Variants in SPEG observed in about 807,000 individuals in gnomAD.
SPEG encodes striated muscle enriched protein kinase.
Under a neutral mutation model 300.4 loss-of-function variants are expected in SPEG, and 114 were observed. The observed-to-expected ratio is 0.38, with a 90% CI of 0.33 to 0.44. SPEG has a LOEUF of 0.44. SPEG is among the 20% of genes least tolerant of loss of function. The pLI is 1.00. For synonymous variants in SPEG, 1,964 were observed against 2,018.9 expected (o/e 0.97, Z 0.73); for missense variants, 4,201 against 4,586.2 (o/e 0.92, Z 2.43).
Position 219,448,129 on chromosome 2 carries a change from C to A in SPEG, c.971C>A (p.Pro324His). The change falls in exon 4 of 41, where the codon CCC becomes CAC. Residue 324 changes from proline to histidine, a missense_variant. Physicochemically the swap from Pro to His is moderately conservative, Grantham distance 77 (BLOSUM62 -2). Transcript: ENST00000312358. Reference sequence around the variant, plus strand: ...GTCGGGAAGCGGTCCCCGCCGGGACCCCCGGCCCAGCCCGCGGCCACCCCC... The same window carrying A: ...GTCGGGAAGCGGTCCCCGCCGGGACACCCGGCCCAGCCCGCGGCCACCCCC... Reference protein sequence around the residue: ...PRVGKRSPPGPPAQPAATPTS... With the variant: ...PRVGKRSPPGHPAQPAATPTS... 1 of 1,605,408 alleles carries A rather than the reference C, an allele frequency of 6.2e-7. No individual in the cohort carries two copies. Among genetic ancestry groups the A allele is most frequent in the Non-Finnish European group, 8.5e-7 (1 of 1,176,076 alleles).
At position 219,479,031 on chromosome 2, in the gene SPEG, C is replaced by A; in HGVS notation, c.5028-113C>A. 1.1e-6 allele frequency: 1 copy of A among 895,844 alleles called. No individual in the cohort carries two copies. Among genetic ancestry groups the A allele is most frequent in the South Asian group, 1.4e-5 (1 of 71,316 alleles). 55.5% of individuals were successfully genotyped at this position (895,844 alleles called of 1,614,324 possible). On this transcript the variant is annotated intron_variant, in intron 22 of 40. Coordinates refer to ENST00000312358, the MANE Select transcript of SPEG (RefSeq NM_005876.5). This position sits in a 1 kb window ranked among gnomAD's most constrained non-coding sequence, Gnocchi z 5.5. ...CGGAGAGGCAGTCTCTGGCTAGTAT[C>A]AAGCATTCTGTAAGGGGAAGGAGAA...
At chr2:219,463,452 C>T (rs1214928594) in intron 8 of SPEG, among the ~76,000 whole-genome samples, 1 of 105,112 alleles carries the variant, frequency 9.5e-6, no homozygotes, top group East Asian at 3.8e-4. Context: ...CACTCTTTGT[C>T]GCCCAGGCTG....
At chr2:219,461,459 C>T (rs1690689526) in intron 6 of SPEG, 21 of 1,038,140 alleles carry the variant, frequency 2.0e-5, no homozygotes, top group Non-Finnish European at 2.4e-5. Context: ...AAATGGGCGT[C>T]CTAGCCATGC....
Position 219,443,852 on chromosome 2 carries a change from G to C in SPEG, c.389-801G>C. On this transcript the variant is annotated intron_variant, in intron 1 of 40. Coordinates refer to ENST00000312358, the MANE Select transcript of SPEG (RefSeq NM_005876.5). The surrounding 1 kb of genome is among the most constrained non-coding windows in gnomAD (Gnocchi z 4.6). Reference sequence around the variant, plus strand: ...CTGGAATAACAAGCCCAAGTATGGGGGTCCCCAGTGCTGGGCACATCCCAG... The same window carrying C: ...CTGGAATAACAAGCCCAAGTATGGGCGTCCCCAGTGCTGGGCACATCCCAG... 2.3e-6 allele frequency: 1 copy of C among 427,964 alleles called. No individual in the cohort carries two copies. The highest frequency in any genetic ancestry group is 1.8e-5 in the South Asian group (1 of 54,712). The allele number at this position is 427,964 out of a possible 1,614,324, so 26.5% of individuals were successfully genotyped here.
chr2:219,473,376 T>C lies in SPEG; in HGVS notation c.4148-128T>C. 1 of 990,316 alleles carries C rather than the reference T, an allele frequency of 1.0e-6. No individual in the cohort carries two copies. Among genetic ancestry groups the C allele is most frequent in the Non-Finnish European group, 1.5e-6 (1 of 657,040 alleles). 61.3% of individuals were successfully genotyped at this position (990,316 alleles called of 1,614,324 possible). On this transcript the variant is annotated intron_variant, in intron 16 of 40. Transcript: ENST00000312358. This position sits in a 1 kb window ranked among gnomAD's most constrained non-coding sequence, Gnocchi z 4.6. ...TGTTCCCCTGACAAATCGCTAAACC[T>C]CTCTGAGCTTCAGCTTTCCCATCTG...
At position 219,444,319 on chromosome 2, in the gene SPEG, CT is replaced by C. The variant is rs1689125806; in HGVS notation, c.389-331del. Among the ~76,000 whole-genome samples, 1 of 152,128 alleles carries C rather than the reference CT, an allele frequency of 6.6e-6. No individual in the cohort carries two copies. The highest frequency in any genetic ancestry group is 1.5e-5 in the Non-Finnish European group (1 of 68,028). ...TTTTGGGGCTGCACAGGGGCTTAAG[CT>C]TTCACTGACAAGGGGAGGAGGGAGA... On this transcript the variant is annotated intron_variant, in intron 1 of 40. Transcript: ENST00000312358. The surrounding 1 kb of genome is among the most constrained non-coding windows in gnomAD (Gnocchi z 7.8).
At chr2:219,435,428 C>T in intron 1 of SPEG, 63 bp downstream of exon 1, 2 of 1,463,016 alleles carry the variant, frequency 1.4e-6, no homozygotes, top group Non-Finnish European at 9.0e-7. Flanking sequence ...AAAAGGGCTG[C>T]CCAGGCCACG....
rs753087102 is a variant in SPEG at position 219,489,374 on chromosome 2, C to T, written c.8356C>T (p.Pro2786Ser). 10 of 1,613,522 alleles carry T rather than the reference C, an allele frequency of 6.2e-6. No individual in the cohort carries two copies. In the South Asian group the frequency reaches 8.8e-5, roughly 14 times the overall value. The change falls in exon 36 of 41, where the codon CCT becomes TCT. Residue 2786 changes from proline (P) to serine (S), a missense_variant. Around this residue, in one of 4 missense-constraint regions of SPEG, gnomAD observed 1,578 missense variants for 1,506.0 expected, o/e 1.05. Transcript: ENST00000312358. Reference protein sequence around the residue: ...AVPSAAHQEAPVTSRPARARP... With the variant: ...AVPSAAHQEASVTSRPARARP... Reference sequence around the variant, plus strand: ...GCCATCTGCTGCCCACCAAGAGGCCCCTGTCACCTCAAGGCCAGCCAGGGC... The same window carrying T: ...GCCATCTGCTGCCCACCAAGAGGCCTCTGTCACCTCAAGGCCAGCCAGGGC...
chr2:219,461,396 A>T, intron 6 of SPEG: 10 of 1,001,478 alleles, frequency 1.0e-5, no homozygotes, highest in Non-Finnish European at 1.2e-5. Flanking sequence ...CGAGGTCGGG[A>T]TGTGACTTGT....
Position 219,445,078 on chromosome 2 carries a change from G to T in SPEG, c.732G>T (p.Gly244=). The T allele has an allele frequency of 6.2e-7, 1 of 1,605,514 alleles. No individual in the cohort carries two copies. Among genetic ancestry groups the T allele is most frequent in the South Asian group, 1.1e-5 (1 of 90,092 alleles). Residue 244 remains glycine (G), a synonymous_variant, in exon 3 of 41, where the codon GGG becomes GGT. Transcript: ENST00000312358. This position sits in a 1 kb window ranked among gnomAD's most constrained non-coding sequence, Gnocchi z 6.1. ...CTAATCTGGTGGGCGCAAGCTGGGGGTCAGAGGATAGCCTTTCCGTGGCCA... is the reference window on the plus strand; with the variant it reads ...CTAATCTGGTGGGCGCAAGCTGGGGTTCAGAGGATAGCCTTTCCGTGGCCA... ...SRANLVGASW[G]SEDSLSVASD...
intron 1 of SPEG, chr2:219,441,993 G>A (rs1328784392): frequency 7.1e-6 from 3 of 421,006 alleles, no homozygotes; most frequent in African/African-American, 2.1e-5. Context: ...CTCCGACTCC[G>A]CCCCGCCCCC....
At chr2:219,486,563 A>G (rs1693442730) in intron 31 of SPEG, among the ~76,000 whole-genome samples, 1 of 152,168 alleles carries the variant, frequency 6.6e-6, no homozygotes, top group African/African-American at 2.4e-5. Flanking sequence ...CAGCCAGCAG[A>G]GAGGCCTGGG....
chr2:219,466,932 C>T, intron 9 of SPEG: 2 of 1,091,412 alleles, frequency 1.8e-6, no homozygotes, highest in Non-Finnish European at 2.4e-6. Context: ...AGTTTCCCCT[C>T]CCTCAGTTCC....
Position 219,482,774 on chromosome 2 carries a change from G to T in SPEG, c.5566-10G>T. On this transcript the variant is annotated splice_polypyrimidine_tract_variant and intron_variant, in intron 28 of 40. Coordinates refer to ENST00000312358, the MANE Select transcript of SPEG (RefSeq NM_005876.5). ...AGCTTTCCCTCAAGCCCTCTTTCCT[G>T]GGTTTGCAGACTCAGGCAAAGGGCG... 6.2e-7 allele frequency: 1 copy of T among 1,613,326 alleles called. No individual in the cohort carries two copies. The highest frequency in any genetic ancestry group is 8.5e-7 in the Non-Finnish European group (1 of 1,179,576).
intron 6 of SPEG, among the ~76,000 whole-genome samples, chr2:219,456,493 C>T (rs1239442468): frequency 6.6e-6 from 1 of 152,254 alleles, no homozygotes; most frequent in Non-Finnish European, 1.5e-5. Flanking sequence ...CAGGTGGCCT[C>T]CCCGAAGCTG....
chr2:219,436,419 T>C (rs1435925993), intron 1 of SPEG, among the ~76,000 whole-genome samples: 1 of 152,240 alleles, frequency 6.6e-6, no homozygotes, highest in Non-Finnish European at 1.5e-5. Context: ...AGAAACAGAA[T>C]TCTGAGGAAG....
Position 219,485,472 on chromosome 2 carries a change from A to T in SPEG, c.7736A>T (p.Glu2579Val). 6.3e-7 allele frequency: 1 copy of T among 1,580,570 alleles called. No homozygotes were observed. Among genetic ancestry groups the T allele is most frequent in the Non-Finnish European group, 8.6e-7 (1 of 1,162,496 alleles). The change falls in exon 31 of 41, where the codon GAG becomes GTG. Residue 2579 changes from glutamate to valine, a missense_variant. This residue lies in a region of SPEG where 1,578 missense variants were observed against 1,506.0 expected (regional missense o/e 1.05). Coordinates refer to ENST00000312358, the MANE Select transcript of SPEG (RefSeq NM_005876.5). ...EELGHQYVRS[E>V]SDFPPVFHIK... ...TTGGGTCACCAGTACGTGCGCAGTGAGTCAGGTAATAAGAGGCCTGCTGGG... is the reference window on the plus strand; with the variant it reads ...TTGGGTCACCAGTACGTGCGCAGTGTGTCAGGTAATAAGAGGCCTGCTGGG...
intron 1 of SPEG, among the ~76,000 whole-genome samples, chr2:219,442,898 A>G (rs939184466): frequency 1.3e-5 from 2 of 151,658 alleles, no homozygotes; most frequent in African/African-American, 2.4e-5. Flanking sequence ...TGCTCCTCCC[A>G]AGAGCCCAGC....
Position 219,448,138 on chromosome 2 carries a change from A to C in SPEG, c.980A>C (p.Gln327Pro), listed in dbSNP as rs1445263629. 1 of 1,606,298 alleles carries C rather than the reference A, an allele frequency of 6.2e-7. No individual in the cohort carries two copies. The highest frequency in any genetic ancestry group is 1.3e-5 in the African/African-American group (1 of 74,534). The change falls in exon 4 of 41, where the codon CAG (glutamine) becomes CCG (proline). Residue 327 changes from glutamine to proline, a missense_variant. Coordinates refer to ENST00000312358, the MANE Select transcript of SPEG (RefSeq NM_005876.5). ...GKRSPPGPPA[Q>P]PAATPTSPHR... ...CGGTCCCCGCCGGGACCCCCGGCCC[A>C]GCCCGCGGCCACCCCCACGTCGCCC... is the stretch of plus-strand genomic sequence containing the variant.
Sources: allele counts gnomAD v4.1 joint callset (sites outside exome capture counted in the v4.1 genomes callset), GRCh38; gene constraint gnomAD v4.1.1; regional missense constraint gnomAD v4.1.1; non-coding constraint Gnocchi (gnomAD v3.1); transcripts MANE v1.5; gene names NCBI Gene and HGNC (gene_info 2026-07-23, HGNC 2026-07-21).